Variants in PHACTR1 observed in about 807,000 individuals in gnomAD.
PHACTR1 encodes phosphatase and actin regulator 1.
In PHACTR1, 16 loss-of-function variants were observed where a neutral mutation model predicts 69.2. The observed-to-expected ratio is 0.23, with a 90% CI of 0.16 to 0.35. The LOEUF (loss-of-function observed/expected upper bound fraction) is 0.35, where lower values mean the gene tolerates loss of function less well. PHACTR1 is among the 10% of genes least tolerant of loss of function. The pLI, the probability that PHACTR1 is intolerant of heterozygous loss-of-function variation, is 1.00. For missense variants in PHACTR1, 510 were observed against 734.7 expected (o/e 0.69, Z 3.54); for synonymous variants, 312 against 284.5 (o/e 1.10, Z -0.97).
chr6:12,824,167 A>C (rs1776530826), intron 4 of PHACTR1, among the ~76,000 whole-genome samples: 1 of 152,168 alleles, frequency 6.6e-6, no homozygotes, highest in African/African-American at 2.4e-5. Context: ...CCTATCGTGG[A>C]AGGCACAGGC....
chr6:13,083,510 C>T (rs1583282428), intron 5 of PHACTR1, among the ~76,000 whole-genome samples: 1 of 150,558 alleles, frequency 6.6e-6, no homozygotes, highest in South Asian at 2.1e-4. Context: ...ATGGGGATGG[C>T]ATTGAATCTA....
intron 4 of PHACTR1, among the ~76,000 whole-genome samples, chr6:12,888,789 G>A (rs1344129334): frequency 3.3e-5 from 5 of 152,140 alleles, no homozygotes; most frequent in African/African-American, 1.2e-4. Context: ...TGTGTGCTTG[G>A]TGGTCACCTA....
rs139065457 is a variant in PHACTR1 at position 12,930,773 on chromosome 6, G to A, written c.251-122592G>A. On this transcript the variant is annotated intron_variant, in intron 4 of 14. Coordinates refer to ENST00000332995, the MANE Select transcript of PHACTR1 (RefSeq NM_030948.6). ...AGTCCAGAAAGGTGACAAATGAGCC[G>A]GGCACAGTGGCTCATGCCTGTAATC... 7.7e-3 allele frequency among the ~76,000 whole-genome samples: 1,166 copies of A among 152,202 alleles called. 21 individuals carry two copies. The highest frequency in any genetic ancestry group is 0.026 in the African/African-American group (1,079 of 41,520).
intron 3 of PHACTR1, among the ~76,000 whole-genome samples, chr6:12,733,854 G>T (rs1397082587): frequency 2.0e-5 from 3 of 152,172 alleles, no homozygotes; most frequent in Non-Finnish European, 4.4e-5. Context: ...AATCAGCCAC[G>T]TGGAAGATAT....
At chr6:12,908,473 A>G (rs1785998412) in intron 4 of PHACTR1, among the ~76,000 whole-genome samples, 1 of 152,162 alleles carries the variant, frequency 6.6e-6, no homozygotes, top group African/African-American at 2.4e-5. Context: ...CGTGGAAAGA[A>G]TAATAAAATG....
intron 7 of PHACTR1, among the ~76,000 whole-genome samples, chr6:13,199,899 G>T (rs1764976152): frequency 6.6e-6 from 1 of 152,208 alleles, no homozygotes; most frequent in Admixed American, 6.5e-5. Context: ...GGTTTAAGAA[G>T]TATCCTTTAA....
intron 5 of PHACTR1, among the ~76,000 whole-genome samples, chr6:13,143,847 A>T (rs987400673): frequency 1.3e-5 from 2 of 152,132 alleles, no homozygotes; most frequent in Non-Finnish European, 2.9e-5. Flanking sequence ...ATATATTTAA[A>T]AGGATAATAT....
intron 4 of PHACTR1, among the ~76,000 whole-genome samples, chr6:12,818,892 A>G (rs1016096633): frequency 1.3e-5 from 2 of 152,226 alleles, no homozygotes; most frequent in African/African-American, 4.8e-5. Flanking sequence ...AAAGTACAGC[A>G]GTTCTGTATT....
chr6:13,132,721 C>G (rs964140038), intron 5 of PHACTR1, among the ~76,000 whole-genome samples: 1 of 119,478 alleles, frequency 8.4e-6, no homozygotes, highest in Non-Finnish European at 1.9e-5. Flanking sequence ...TTAAAAATAC[C>G]GTATTGCTAA....
chr6:13,276,498 G>A (rs1445270035), intron 11 of PHACTR1, among the ~76,000 whole-genome samples: 3 of 152,216 alleles, frequency 2.0e-5, no homozygotes, highest in East Asian at 1.9e-4. Flanking sequence ...AAGGCCGGGC[G>A]CGGTGGCTCA....
intron 5 of PHACTR1, among the ~76,000 whole-genome samples, chr6:13,085,503 A>G (rs1471125045): frequency 6.6e-6 from 1 of 152,126 alleles, no homozygotes; most frequent in African/African-American, 2.4e-5. Context: ...TATAAAGTTG[A>G]TAAAAGGAAG....
chr6:13,122,512 A>T (rs368323691), intron 5 of PHACTR1, among the ~76,000 whole-genome samples: 1 of 152,352 alleles, frequency 6.6e-6, no homozygotes, highest in Admixed American at 6.5e-5. Flanking sequence ...CTATTGATAT[A>T]TTGGCTTACC....
intron 4 of PHACTR1, among the ~76,000 whole-genome samples, chr6:12,757,304 G>A (rs973743500): frequency 1.3e-4 from 20 of 152,144 alleles, no homozygotes; most frequent in African/African-American, 3.1e-4. Flanking sequence ...CAAGGAGACC[G>A]GTGTGGCTGG....
At chr6:13,219,690 A>G (rs533567498) in intron 8 of PHACTR1, among the ~76,000 whole-genome samples, 41 of 152,320 alleles carry the variant, frequency 2.7e-4, no homozygotes, top group Non-Finnish European at 5.1e-4. Context: ...TGTGTGTTCC[A>G]TAATAGCGCT....
At chr6:12,862,630 C>G (rs142117384) in intron 4 of PHACTR1, among the ~76,000 whole-genome samples, 1 of 152,144 alleles carries the variant, frequency 6.6e-6, no homozygotes, top group South Asian at 2.1e-4. Flanking sequence ...AATACTTCTG[C>G]TTTTTCATAC....
intron 5 of PHACTR1, among the ~76,000 whole-genome samples, chr6:13,101,445 T>C (rs1342294723): frequency 2.0e-5 from 3 of 152,202 alleles, no homozygotes; most frequent in African/African-American, 4.8e-5. Flanking sequence ...CCAAGAGATA[T>C]GGATGTTGCT....
chr6:12,790,725 A>C (rs1772166231), intron 4 of PHACTR1, among the ~76,000 whole-genome samples: 1 of 152,212 alleles, frequency 6.6e-6, no homozygotes, highest in African/African-American at 2.4e-5. Context: ...AGGAAAGTGA[A>C]GAACTAGGTT....
intron 10 of PHACTR1, among the ~76,000 whole-genome samples, chr6:13,231,607 G>A (rs1369996841): frequency 6.6e-6 from 1 of 152,192 alleles, no homozygotes; most frequent in Admixed American, 6.5e-5. Flanking sequence ...TTAAGTGGTT[G>A]GTAGTGATGC....
At chr6:13,128,832 C>A (rs6941685) in intron 5 of PHACTR1, among the ~76,000 whole-genome samples, 88,368 of 151,904 alleles carry the variant, frequency 0.58, 25,869 homozygotes, top group East Asian at 0.78. Flanking sequence ...AAAAGATTAT[C>A]ACCTAGGCAC....
Sources: gnomAD v4.1 joint callset for allele counts (sites outside exome capture counted in the v4.1 genomes callset) on GRCh38, gnomAD v4.1.1 for gene constraint, MANE v1.5 for transcripts, NCBI Gene and HGNC (gene_info 2026-07-23, HGNC 2026-07-21) for gene names.